PTPRN2: variants seen among roughly 807,000 people sequenced by gnomAD.
The protein encoded by PTPRN2 is receptor-type tyrosine-protein phosphatase N2.
PTPRN2 carries 74 observed loss-of-function variants against 118.8 expected under a neutral mutation model. The ratio of observed to expected loss-of-function variants is 0.62; its 90% confidence interval spans 0.52 to 0.76. PTPRN2 has a LOEUF of 0.76. PTPRN2 is among the 30% of genes least tolerant of loss of function. The probability of loss-of-function intolerance (pLI) is 0.00; values close to 1 mark genes in which losing one functional copy is unlikely to be tolerated. For synonymous variants in PTPRN2, 641 were observed against 608.0 expected (o/e 1.05, Z -0.80); for missense variants, 1,481 against 1,394.4 (o/e 1.06, Z -0.99).
At chr7:158,301,221 T>G (rs1262289616) in intron 3 of PTPRN2, among the ~76,000 whole-genome samples, 1 of 152,158 alleles carries the variant, frequency 6.6e-6, no homozygotes, top group Non-Finnish European at 1.5e-5. Flanking sequence ...ATTTGCACTT[T>G]GCACGGGCCG....
At chr7:158,346,726 T>C (rs117058759) in intron 2 of PTPRN2, among the ~76,000 whole-genome samples, 65 of 152,342 alleles carry the variant, frequency 4.3e-4, no homozygotes, top group East Asian at 9.6e-4. Flanking sequence ...AGATTCCCAA[T>C]AGTGCACAAG....
At chr7:157,814,669 G>T (rs934036553) in intron 12 of PTPRN2, among the ~76,000 whole-genome samples, 3 of 152,214 alleles carry the variant, frequency 2.0e-5, no homozygotes, top group African/African-American at 7.2e-5. Context: ...ATTCACCATG[G>T]CAAGGAGGCG....
intron 12 of PTPRN2, among the ~76,000 whole-genome samples, chr7:157,855,300 C>T (rs921982203): frequency 2.0e-5 from 3 of 152,152 alleles, no homozygotes; most frequent in Non-Finnish European, 2.9e-5. Context: ...ACCCACGCGC[C>T]GGCTTCTCGA....
rs150172776 is a variant in PTPRN2 at position 157,872,839 on chromosome 7, C to T, written c.1788+25834G>A. 7.8e-3 allele frequency among the ~76,000 whole-genome samples: 1,187 copies of T among 152,338 alleles called. 9 individuals carry two copies. Among genetic ancestry groups the T allele is most frequent in the Middle Eastern group, 0.024 (7 of 294 alleles). Reference sequence around the variant, plus strand: ...TGGCGGGGTAGAGGGGTGACGGGTGCTTTCTGTGTGGGCCCTGTCTGCTGC... The same window carrying T: ...TGGCGGGGTAGAGGGGTGACGGGTGTTTTCTGTGTGGGCCCTGTCTGCTGC... On this transcript the variant is annotated intron_variant, in intron 12 of 22. Coordinates refer to ENST00000389418, the MANE Select transcript of PTPRN2 (RefSeq NM_002847.5).
chr7:158,063,185 G>T (rs1181944759), intron 11 of PTPRN2, among the ~76,000 whole-genome samples: 2 of 152,072 alleles, frequency 1.3e-5, no homozygotes, highest in Non-Finnish European at 2.9e-5. Flanking sequence ...TTAGTGCTCT[G>T]TATTTAGCTA....
intron 2 of PTPRN2, among the ~76,000 whole-genome samples, chr7:158,423,942 T>C (rs1401337695): frequency 6.6e-6 from 1 of 152,232 alleles, no homozygotes; most frequent in Non-Finnish European, 1.5e-5. Context: ...ATCATTTCCT[T>C]TAATCCTCAC....
chr7:157,999,615 C>T (rs541719541), intron 11 of PTPRN2, among the ~76,000 whole-genome samples: 13 of 152,230 alleles, frequency 8.5e-5, no homozygotes, highest in African/African-American at 2.6e-4. Context: ...AACCTGTCAT[C>T]GGGAGACTCG....
chr7:158,188,336 T>A (rs865841776), intron 5 of PTPRN2, among the ~76,000 whole-genome samples: 1 of 33,908 alleles, frequency 2.9e-5, no homozygotes, highest in South Asian at 1.1e-3. Flanking sequence ...CGCCCCCTGA[T>A]GGGGAAGGCC....
chr7:158,564,691 T>G (rs1187412802), intron 1 of PTPRN2, among the ~76,000 whole-genome samples: 1 of 152,208 alleles, frequency 6.6e-6, no homozygotes, highest in South Asian at 2.1e-4. Context: ...TCTAGACCCT[T>G]TCCCTCAGCA....
chr7:157,805,447 G>A (rs1165100553), intron 12 of PTPRN2, among the ~76,000 whole-genome samples: 3 of 152,146 alleles, frequency 2.0e-5, no homozygotes, highest in Non-Finnish European at 4.4e-5. Context: ...TTATAAATTA[G>A]GCTGGAGTAA....
chr7:157,670,222 C>A (rs1264194403), intron 13 of PTPRN2, among the ~76,000 whole-genome samples: 1 of 152,140 alleles, frequency 6.6e-6, no homozygotes, highest in Non-Finnish European at 1.5e-5. Context: ...AGGTGCTCCA[C>A]GTGAAGCACA....
chr7:157,711,527 G>T lies in PTPRN2; in HGVS notation c.1789-28590C>A, dbSNP rs538052288. 2.6e-5 allele frequency among the ~76,000 whole-genome samples: 4 copies of T among 152,330 alleles called. No individual in the cohort carries two copies. In the East Asian group the frequency reaches 7.7e-4, roughly 29 times the overall value. On this transcript the variant is annotated intron_variant, in intron 12 of 22. Transcript: ENST00000389418. ...GGAGTCCTGGCCCTTCACCACGTGG[G>T]AGGCTGTCCTGGGACCTGAGGACTC...
intron 1 of PTPRN2, among the ~76,000 whole-genome samples, chr7:158,554,155 A>C (rs1416110856): frequency 1.3e-5 from 2 of 152,196 alleles, no homozygotes; most frequent in Non-Finnish European, 2.9e-5. Flanking sequence ...AGTCCCAGCT[A>C]CTCAGGAGGC....
chr7:158,103,865 A>ATT (rs1225817208), intron 10 of PTPRN2, among the ~76,000 whole-genome samples: 3 of 149,868 alleles, frequency 2.0e-5, no homozygotes, highest in Non-Finnish European at 4.5e-5. Context: ...ACAGATTATT[A>ATT]TTATTTTTTT....
intron 3 of PTPRN2, among the ~76,000 whole-genome samples, chr7:158,232,801 C>A (rs1829250936): frequency 7.9e-5 from 12 of 152,130 alleles, no homozygotes; most frequent in Admixed American, 7.2e-4. Flanking sequence ...CATAATACAT[C>A]ACATTAACAG....
intron 2 of PTPRN2, among the ~76,000 whole-genome samples, chr7:158,323,297 A>AC (rs1454415205): frequency 1.3e-5 from 2 of 152,042 alleles, no homozygotes; most frequent in Non-Finnish European, 2.9e-5. Context: ...AGAAGGCTGG[A>AC]CCCCACAGAA....
At chr7:158,287,944 C>A (rs1205728823) in intron 3 of PTPRN2, among the ~76,000 whole-genome samples, 1 of 152,106 alleles carries the variant, frequency 6.6e-6, no homozygotes, top group African/African-American at 2.4e-5. Flanking sequence ...TACAGTCCAT[C>A]TCTCTTTCTT....
rs369510032 is a variant in PTPRN2 at position 157,766,039 on chromosome 7, C to T, written c.1789-83102G>A. On this transcript the variant is annotated intron_variant, in intron 12 of 22. Coordinates refer to ENST00000389418, the MANE Select transcript of PTPRN2 (RefSeq NM_002847.5). Reference sequence around the variant, plus strand: ...TTCATCCACCCATCCATCCAACCAACCATTCATCCTTCCTCCATCCATCCA... The same window carrying T: ...TTCATCCACCCATCCATCCAACCAATCATTCATCCTTCCTCCATCCATCCA... Among the ~76,000 whole-genome samples the T allele has an allele frequency of 7.1e-3, 1,053 of 149,360 alleles. 10 individuals carry two copies. Among genetic ancestry groups the T allele is most frequent in the African/African-American group, 0.025 (1,008 of 40,556 alleles).
In PTPRN2 at chr7:158,068,556, C is replaced by A. The variant is rs138609247; in HGVS notation, c.1723+12742G>T. Reference sequence around the variant, plus strand: ...TCACTTTAAAAATGCATCATCAAACCCCGCAAACCACTGGAACCGGGTGCC... The same window carrying A: ...TCACTTTAAAAATGCATCATCAAACACCGCAAACCACTGGAACCGGGTGCC... On this transcript the variant is annotated intron_variant, in intron 11 of 22. Transcript: ENST00000389418. 2.7e-3 allele frequency among the ~76,000 whole-genome samples: 415 copies of A among 152,326 alleles called. 4 individuals are homozygous for A. The highest frequency in any genetic ancestry group is 9.6e-3 in the African/African-American group (399 of 41,554).
Sources: allele counts gnomAD v4.1 joint callset (sites outside exome capture counted in the v4.1 genomes callset), GRCh38; gene constraint gnomAD v4.1.1; transcripts MANE v1.5; gene names NCBI Gene and HGNC (gene_info 2026-07-23, HGNC 2026-07-21).